Variants in STOX1 observed in about 807,000 individuals in gnomAD.
STOX1 encodes storkhead box 1, also known as storkhead-box protein 1.
In STOX1, 57 loss-of-function variants were observed where a neutral mutation model predicts 74.8. That is an observed-to-expected ratio of 0.76 (90% confidence interval 0.62 to 0.95). The LOEUF (loss-of-function observed/expected upper bound fraction) is 0.95. Ranked by LOEUF, STOX1 falls within the 40% of genes least tolerant of loss-of-function variation. STOX1 has a pLI of 0.00. For missense variants in STOX1, 1,010 were observed against 1,117.0 expected, an observed-to-expected ratio of 0.90 and a Z score of 1.37; for synonymous variants, 375 against 401.3, an observed-to-expected ratio of 0.93 and a Z score of 0.78.
intron 1 of STOX1, among the ~76,000 whole-genome samples, chr10:68,847,708 G>A (rs546288705): frequency 3.4e-4 from 51 of 151,338 alleles, no homozygotes; most frequent in Middle Eastern, 3.4e-3. Flanking sequence ...CTGCACCGCT[G>A]GAAGGTAGAA....
At chr10:68,894,987 G>A (rs749617832), downstream of STOX1, among the ~76,000 whole-genome samples, 2 of 152,224 alleles carry the variant, frequency 1.3e-5, no homozygotes, top group Non-Finnish European at 2.9e-5. Flanking sequence ...GCCTCCCAAA[G>A]TGCTGGAATT....
chr10:68,846,487 T>C (rs1192005228), intron 1 of STOX1, among the ~76,000 whole-genome samples: 1 of 152,118 alleles, frequency 6.6e-6, no homozygotes, highest in Non-Finnish European at 1.5e-5. Context: ...GGATGTCCAA[T>C]TCTTCAGGAA....
intron 2 of STOX1, among the ~76,000 whole-genome samples, chr10:68,882,529 G>C (rs1160822316): frequency 7.6e-6 from 1 of 131,970 alleles, no homozygotes; most frequent in Non-Finnish European, 1.6e-5. Context: ...ACAGAATCTT[G>C]CTCTGTCACC....
intron 1 of STOX1, among the ~76,000 whole-genome samples, chr10:68,864,837 T>C (rs892310117): frequency 6.6e-6 from 1 of 152,250 alleles, no homozygotes; most frequent in Non-Finnish European, 1.5e-5. Context: ...GAAAACAGAT[T>C]ACTCATGGCA....
chr10:68,856,563 G>T (rs1452929551), intron 1 of STOX1, among the ~76,000 whole-genome samples: 1 of 152,076 alleles, frequency 6.6e-6, no homozygotes, highest in African/African-American at 2.4e-5. Context: ...TTTCCCCTGT[G>T]TAGGGGACTA....
chr10:68,881,338 A>G (rs1301619116), intron 1 of STOX1, among the ~76,000 whole-genome samples: 6 of 152,192 alleles, frequency 3.9e-5, no homozygotes, highest in African/African-American at 7.2e-5. Flanking sequence ...GGATAACTCT[A>G]TCCATGCCCT....
intron 1 of STOX1, among the ~76,000 whole-genome samples, chr10:68,839,413 G>C (rs1019311540): frequency 9.2e-5 from 14 of 151,990 alleles, no homozygotes; most frequent in Middle Eastern, 3.2e-3. Flanking sequence ...TGTAGAGACA[G>C]GGTCTCGCTC....
Position 68,886,018 on chromosome 10 carries a change from A to T in STOX1, c.2222A>T (p.Asp741Val), listed in dbSNP as rs750415201. The change falls in exon 3 of 4, where the codon GAC (aspartate) becomes GTC (valine). Residue 741 changes from aspartate to valine, a missense_variant. Asp to Val is a radical substitution (Grantham distance 152). Coordinates refer to ENST00000298596, the MANE Select transcript of STOX1 (RefSeq NM_152709.5). Reference protein sequence around the residue: ...ACSSLYLEEDDISENDDLRQM... With the variant: ...ACSSLYLEEDVISENDDLRQM... ...AGTTCATTATATCTAGAGGAGGATG[A>T]CATTTCTGAGAATGACGACTTACGT... 6.2e-7 allele frequency: 1 copy of T among 1,614,208 alleles called. No individual in the cohort carries two copies. The highest frequency in any genetic ancestry group is 8.5e-7 in the Non-Finnish European group (1 of 1,180,024).
Position 68,827,594 on chromosome 10 carries a change from C to T in STOX1, c.-30C>T. The T allele has an allele frequency of 3.5e-6, 4 of 1,130,944 alleles. No homozygotes were observed. Among genetic ancestry groups the T allele is most frequent in the Middle Eastern group, 3.8e-4 (1 of 2,654 alleles). 70.1% of individuals were successfully genotyped at this position (1,130,944 alleles called of 1,614,324 possible). ...AGCCGCCGCGCTCGCCGAGGCCCTG[C>T]GTTGCGGGCTCCCGGCCGCCGGCGA... On this transcript the variant is annotated 5_prime_UTR_variant, in exon 1 of 4. Transcript: ENST00000298596.
chr10:68,849,781 A>C (rs552177175), intron 1 of STOX1, among the ~76,000 whole-genome samples: 1 of 152,274 alleles, frequency 6.6e-6, no homozygotes, highest in South Asian at 2.1e-4. Context: ...TTTCTGTTGC[A>C]ATACAGGTTG....
intron 1 of STOX1, among the ~76,000 whole-genome samples, chr10:68,876,667 AGAG>A (rs1235644877): frequency 6.6e-6 from 1 of 152,206 alleles, no homozygotes; most frequent in Non-Finnish European, 1.5e-5. Context: ...CTGTGTAAAC[AGAG>A]AACGCTGTTG....
chr10:68,836,300 A>G (rs1839551360), intron 1 of STOX1, among the ~76,000 whole-genome samples: 1 of 152,204 alleles, frequency 6.6e-6, no homozygotes, highest in Admixed American at 6.5e-5. Context: ...GTTGTTTTGA[A>G]GATAAGGTAC....
chr10:68,881,651 G>A (rs1247538132), intron 1 of STOX1, among the ~76,000 whole-genome samples: 3 of 152,190 alleles, frequency 2.0e-5, no homozygotes, highest in African/African-American at 7.2e-5. Flanking sequence ...AGTATATTTA[G>A]TATTTAAGTA....
chr10:68,851,280 G>A (rs1163181), intron 1 of STOX1, among the ~76,000 whole-genome samples: 11,955 of 149,774 alleles, frequency 0.08, 492 homozygotes, highest in Middle Eastern at 0.098. Flanking sequence ...TCCAGCCTGG[G>A]CTACAGAGTG....
intron 1 of STOX1, among the ~76,000 whole-genome samples, chr10:68,874,539 T>G (rs569795665): frequency 1.4e-3 from 218 of 152,232 alleles, no homozygotes; most frequent in Non-Finnish European, 2.6e-3. Flanking sequence ...TAATTTTGCT[T>G]GTAACTTCTA....
chr10:68,883,567 C>T (rs953440636), intron 2 of STOX1, among the ~76,000 whole-genome samples: 2 of 152,040 alleles, frequency 1.3e-5, no homozygotes, highest in East Asian at 3.9e-4. Context: ...ACACCCGCCA[C>T]CATGCCCTGC....
intron 1 of STOX1, among the ~76,000 whole-genome samples, chr10:68,857,457 G>T (rs932605894): frequency 1.3e-5 from 2 of 152,046 alleles, no homozygotes; most frequent in Non-Finnish European, 2.9e-5. Flanking sequence ...GGTGGCTCCA[G>T]TTTTTATGTC....
At chr10:68,866,244 T>C (rs1840401751) in intron 1 of STOX1, among the ~76,000 whole-genome samples, 1 of 152,124 alleles carries the variant, frequency 6.6e-6, no homozygotes, top group African/African-American at 2.4e-5. Context: ...ATAACTACTT[T>C]GATATACTTC....
At chr10:68,834,000 T>C (rs573566976) in intron 1 of STOX1, among the ~76,000 whole-genome samples, 2 of 152,194 alleles carry the variant, frequency 1.3e-5, no homozygotes, top group Admixed American at 6.6e-5. Context: ...GTTCACACAA[T>C]CTTCTCCATC....
Sources: allele counts gnomAD v4.1 joint callset (sites outside exome capture counted in the v4.1 genomes callset), GRCh38; gene constraint gnomAD v4.1.1; transcripts MANE v1.5; gene names NCBI Gene and HGNC (gene_info 2026-07-23, HGNC 2026-07-21).